CRYM: variants seen among roughly 807,000 people sequenced by gnomAD.
The protein encoded by CRYM is ketimine reductase mu-crystallin.
A neutral mutation model predicts 32.9 loss-of-function variants in CRYM; 18 were observed. The ratio of observed to expected loss-of-function variants is 0.55; its 90% CI spans 0.38 to 0.81. The LOEUF (loss-of-function observed/expected upper bound fraction) is 0.81. Among genes scored for constraint, CRYM ranks in the 30% least tolerant of loss-of-function variants. The pLI, the probability that CRYM is intolerant of heterozygous loss-of-function variation, is 0.00. For missense variants in CRYM, 337 were observed against 393.5 expected (o/e 0.86, Z 1.21); for synonymous variants, 153 against 152.4 (o/e 1.00, Z -0.03).
At chr16:21,261,120 T>C in intron 7 of CRYM, 134 bp downstream of exon 7, 1 of 767,818 alleles carries the variant, frequency 1.3e-6, no homozygotes, top group South Asian at 1.5e-5. Flanking sequence ...GGCTAAACCA[T>C]GTAAATAATT....
rs147531240 is a variant in CRYM at position 21,275,534 on chromosome 16, T to C, written c.385A>G (p.Lys129Glu). 1 of 1,613,780 alleles carries C rather than the reference T, an allele frequency of 6.2e-7. No homozygotes were observed. Among genetic ancestry groups the C allele is most frequent in the Non-Finnish European group, 8.5e-7 (1 of 1,179,778 alleles). The change falls in exon 3 of 8, where the codon AAG becomes GAG. Residue 129 changes from lysine to glutamate, a missense_variant and splice_region_variant. By Grantham distance (56) the Lys-to-Glu change is moderately conservative. Transcript: ENST00000572914. ...RTAAVSAIAT[K>E]FLKPPSSEVL... ...GTACAGCCAGCCATTCATCTTACCTTGGTGGCAATGGCAGAAACTGCAGCT... is the reference window on the plus strand; with the variant it reads ...GTACAGCCAGCCATTCATCTTACCTCGGTGGCAATGGCAGAAACTGCAGCT...
intron 5 of CRYM, among the ~76,000 whole-genome samples, chr16:21,263,494 C>T (rs1015226613): frequency 6.6e-6 from 1 of 152,168 alleles, no homozygotes; most frequent in Admixed American, 6.5e-5. Flanking sequence ...GGACCACAGA[C>T]GCCTGCCACT....
chr16:21,284,427 C>T (rs780151289), intron 1 of CRYM, among the ~76,000 whole-genome samples: 1 of 152,132 alleles, frequency 6.6e-6, no homozygotes, highest in Non-Finnish European at 1.5e-5. Context: ...CATCTAATCC[C>T]ATTTTCATCA....
intron 3 of CRYM, among the ~76,000 whole-genome samples, chr16:21,275,081 G>A (rs188272330): frequency 8.5e-5 from 13 of 152,310 alleles, no homozygotes; most frequent in Admixed American, 2.6e-4. Flanking sequence ...TCAGCCTCTT[G>A]TGTAGTACTA....
At chr16:21,289,396 T>C (rs1266164781) in intron 1 of CRYM, among the ~76,000 whole-genome samples, 1 of 152,230 alleles carries the variant, frequency 6.6e-6, no homozygotes, top group Non-Finnish European at 1.5e-5. Context: ...TCATTCCAGC[T>C]CTCTTTTGGT....
At chr16:21,296,693 T>C (rs1274973185) in intron 1 of CRYM, among the ~76,000 whole-genome samples, 1 of 152,212 alleles carries the variant, frequency 6.6e-6, no homozygotes, top group Non-Finnish European at 1.5e-5. Context: ...CAAGAAGGTC[T>C]TATGCCAGGA....
chr16:21,283,127 C>A (rs960125264), upstream of CRYM, among the ~76,000 whole-genome samples: 9 of 152,226 alleles, frequency 5.9e-5, no homozygotes, highest in Non-Finnish European at 1.3e-4. Context: ...CCCTGCTAAC[C>A]CCTAACAGAC....
At chr16:21,291,240 C>T (rs944323482) in intron 1 of CRYM, among the ~76,000 whole-genome samples, 4 of 152,070 alleles carry the variant, frequency 2.6e-5, no homozygotes, top group Non-Finnish European at 4.4e-5. Flanking sequence ...CATTTATAAC[C>T]TTGGGATGAG....
intron 7 of CRYM, among the ~76,000 whole-genome samples, chr16:21,260,399 A>G (rs547640349): frequency 6.6e-6 from 1 of 152,222 alleles, no homozygotes; most frequent in East Asian, 1.9e-4. Flanking sequence ...TTCCGGGTTC[A>G]AGTGATTCTC....
intron 1 of CRYM, among the ~76,000 whole-genome samples, chr16:21,289,723 G>A (rs1393589683): frequency 6.6e-6 from 1 of 152,070 alleles, no homozygotes; most frequent in Non-Finnish European, 1.5e-5. Context: ...CTGGGCTGCT[G>A]GCACAGGTGC....
In CRYM at chr16:21,277,299, G is replaced by T; in HGVS notation, c.324+132C>A. The T allele has an allele frequency of 1.1e-6, 1 of 917,398 alleles. No individual in the cohort carries two copies. The highest frequency in any genetic ancestry group is 1.7e-6 in the Non-Finnish European group (1 of 590,696). 56.8% of individuals were successfully genotyped at this position (917,398 alleles called of 1,614,324 possible). On this transcript the variant is annotated intron_variant, in intron 2 of 7. Coordinates refer to ENST00000572914, the MANE Select transcript of CRYM (RefSeq NM_001376256.1). The surrounding 1 kb of genome is among the most constrained non-coding windows in gnomAD (Gnocchi z 4.2). ...ATGGACACAGATAACCTTCACTGTT[G>T]CTGGTATCCAGTCACTTGCAGAGGG...
intron 1 of CRYM, among the ~76,000 whole-genome samples, chr16:21,301,939 C>T (rs1171156322): frequency 1.3e-5 from 2 of 152,202 alleles, no homozygotes; most frequent in Non-Finnish European, 2.9e-5. Context: ...CGTCCCCCTG[C>T]GCTTGCAGCT....
chr16:21,284,606 A>G (rs768802156), intron 1 of CRYM, among the ~76,000 whole-genome samples: 11 of 152,150 alleles, frequency 7.2e-5, no homozygotes, highest in Non-Finnish European at 1.2e-4. Flanking sequence ...TGCAGAGGAC[A>G]TAATTCCATT....
At chr16:21,290,216 G>A (rs1483952320) in intron 1 of CRYM, among the ~76,000 whole-genome samples, 1 of 152,150 alleles carries the variant, frequency 6.6e-6, no homozygotes, top group African/African-American at 2.4e-5. Flanking sequence ...TCTTGCTGCT[G>A]CTCACTGTTT....
At chr16:21,264,903 G>T (rs916366371) in intron 5 of CRYM, among the ~76,000 whole-genome samples, 1 of 152,200 alleles carries the variant, frequency 6.6e-6, no homozygotes, top group East Asian at 1.9e-4. Context: ...CACCATGGGA[G>T]CCTGGAAGAG....
chr16:21,269,820 C>G lies in CRYM; in HGVS notation c.459G>C (p.Glu153Asp). Residue 153 changes from glutamate to aspartate, a missense_variant, in exon 4 of 8, where the codon GAG becomes GAC. Glu to Asp is a conservative substitution (Grantham distance 45, BLOSUM62 2). Coordinates refer to ENST00000572914, the MANE Select transcript of CRYM (RefSeq NM_001376256.1). Reference protein sequence around the residue: ...GAGVQAYSHYEIFTEQFSFKE... With the variant: ...GAGVQAYSHYDIFTEQFSFKE... ...TAAAGGAGAACTGCTCTGTGAAGAT[C>G]TCATAATGGCTGTAGGCCTGGACCC... 7.8e-7 allele frequency: 1 copy of G among 1,282,886 alleles called. No individual in the cohort carries two copies. Among genetic ancestry groups the G allele is most frequent in the Non-Finnish European group, 1.1e-6 (1 of 940,828 alleles). The allele number at this position is 1,282,886 out of a possible 1,614,324, so 79.5% of individuals were successfully genotyped here. A position where few individuals can be genotyped will look rare whatever the true frequency, so the allele number is the denominator to read the frequency against.
intron 4 of CRYM, among the ~76,000 whole-genome samples, chr16:21,269,340 G>C (rs1039869689): frequency 6.6e-6 from 1 of 151,982 alleles, no homozygotes; most frequent in Non-Finnish European, 1.5e-5. Context: ...AGACGCAGTG[G>C]GGGGAAGGTG....
chr16:21,277,981 A>G lies in CRYM; in HGVS notation c.170+101T>C, dbSNP rs1229473060. The G allele has an allele frequency of 7.4e-7, 1 of 1,349,736 alleles. No individual in the cohort carries two copies. The highest frequency in any genetic ancestry group is 1.4e-5 in the African/African-American group (1 of 69,430). 83.6% of individuals were successfully genotyped at this position (1,349,736 alleles called of 1,614,324 possible). On this transcript the variant is annotated intron_variant, in intron 1 of 7. Transcript: ENST00000572914. This position sits in a 1 kb window ranked among gnomAD's most constrained non-coding sequence, Gnocchi z 4.2. ...AAAGTGGCAGCTGTTAGCAACGGTT[A>G]GGCAAGCCGTCTCTTCCCTTCTCCC...
chr16:21,287,958 T>G (rs1312758514), intron 1 of CRYM, among the ~76,000 whole-genome samples: 1 of 152,230 alleles, frequency 6.6e-6, no homozygotes, highest in Non-Finnish European at 1.5e-5. Context: ...ATTCCCTATT[T>G]GTGGCTGTGT....
Sources: gnomAD v4.1 joint callset for allele counts (sites outside exome capture counted in the v4.1 genomes callset) on GRCh38, gnomAD v4.1.1 for gene constraint, Gnocchi (gnomAD v3.1) non-coding constraint, MANE v1.5 for transcripts, NCBI Gene and HGNC (gene_info 2026-07-23, HGNC 2026-07-21) for gene names.